The following ZNF451 variants were observed in gnomAD, a reference collection of about 807,000 sequenced individuals.
ZNF451 encodes E3 SUMO-protein ligase ZNF451.
ZNF451 carries 80 observed loss-of-function variants against 107.1 expected under a neutral mutation model. The observed-to-expected ratio is 0.75, with a 90% CI of 0.62 to 0.90. ZNF451 has a LOEUF of 0.90. Ranked by LOEUF, ZNF451 falls within the 40% of genes least tolerant of loss-of-function variation. The probability of loss-of-function intolerance (pLI) is 0.00; values close to 1 mark genes in which losing one functional copy is unlikely to be tolerated. For missense variants in ZNF451, 1,107 were observed against 1,236.2 expected, an observed-to-expected ratio of 0.90 and a Z score of 1.57; for synonymous variants, 362 against 406.5, an observed-to-expected ratio of 0.89 and a Z score of 1.32.
intron 3 of ZNF451, among the ~76,000 whole-genome samples, chr6:57,112,448 C>T (rs1224559885): frequency 6.6e-6 from 1 of 152,186 alleles, no homozygotes; most frequent in Non-Finnish European, 1.5e-5. Context: ...GAAATAGTCT[C>T]CAGTTGGTAC....
At chr6:57,161,223 TCA>T (rs1451599747) in intron 14 of ZNF451, 71 bp downstream of exon 14, 2 of 804,962 alleles carry the variant, frequency 2.5e-6, no homozygotes, top group East Asian at 5.7e-5. Context: ...TCTCTGTCTC[TCA>T]CCCATTCACC....
chr6:57,160,571 G>T (rs1763629926), intron 13 of ZNF451, among the ~76,000 whole-genome samples: 2 of 152,068 alleles, frequency 1.3e-5, no homozygotes, highest in Admixed American at 1.3e-4. Flanking sequence ...CTGAGCTCAG[G>T]TGATCCACCC....
chr6:57,144,332 C>T (rs774290652), intron 9 of ZNF451, among the ~76,000 whole-genome samples: 1 of 150,798 alleles, frequency 6.6e-6, no homozygotes, highest in Non-Finnish European at 1.5e-5. Flanking sequence ...CCTCCACCTC[C>T]CAAGTTCAAG....
chr6:57,166,154 A>G (rs1763887908), intron 14 of ZNF451, among the ~76,000 whole-genome samples: 2 of 152,036 alleles, frequency 1.3e-5, no homozygotes, highest in African/African-American at 2.4e-5. Flanking sequence ...CAGCCTCCCA[A>G]GTAGCTGGGA....
intron 2 of ZNF451, among the ~76,000 whole-genome samples, chr6:57,096,844 C>T (rs1342018274): frequency 1.5e-5 from 2 of 132,452 alleles, no homozygotes; most frequent in Admixed American, 1.7e-4. Flanking sequence ...GGCACCATCT[C>T]AGCTCACTGC....
In ZNF451 at chr6:57,147,117, A is replaced by G. The variant is rs558730696; in HGVS notation, c.1032A>G (p.Val344=). 1.2e-6 allele frequency: 2 copies of G among 1,612,690 alleles called. No individual in the cohort carries two copies. Among genetic ancestry groups the G allele is most frequent in the African/African-American group, 2.7e-5 (2 of 75,026 alleles). Residue 344 remains valine (V), a synonymous_variant, in exon 10 of 15, where the codon GTA becomes GTG. Transcript: ENST00000370706. ...TTCATTGTCGAAATGCTGGACCTGT[A>G]GCTGTAGCTGAGAAGAGCATTACCC... is the stretch of plus-strand genomic sequence containing the variant. The part of the protein sequence containing the change: ...FRVHCRNAGP[V]AVAEKSITQV...
intron 3 of ZNF451, among the ~76,000 whole-genome samples, chr6:57,114,358 C>A (rs1354524815): frequency 6.6e-6 from 1 of 152,116 alleles, no homozygotes; most frequent in Non-Finnish European, 1.5e-5. Context: ...AATACAAAAT[C>A]AGACATGCTT....
chr6:57,096,074 T>G (rs865869718), intron 2 of ZNF451, among the ~76,000 whole-genome samples: 2 of 152,066 alleles, frequency 1.3e-5, no homozygotes, highest in South Asian at 4.1e-4. Flanking sequence ...TCCACCTGCC[T>G]TGGCCTCCCA....
intron 10 of ZNF451, among the ~76,000 whole-genome samples, chr6:57,150,111 G>A (rs898718762): frequency 1.3e-5 from 2 of 152,110 alleles, no homozygotes; most frequent in Admixed American, 1.3e-4. Flanking sequence ...GGGCATGGGG[G>A]AAGGTGAAAG....
At chr6:57,108,710 A>G (rs1263616101) in intron 3 of ZNF451, 14 of 985,284 alleles carry the variant, frequency 1.4e-5, no homozygotes, top group Non-Finnish European at 1.7e-5. Context: ...GAAGCATGTT[A>G]ATATCCGTGT....
At chr6:57,155,669 T>C (rs1015040133) in intron 13 of ZNF451, among the ~76,000 whole-genome samples, 6 of 152,194 alleles carry the variant, frequency 3.9e-5, no homozygotes, top group Admixed American at 1.3e-4. Context: ...AAACCTGTTA[T>C]GGTTTTGCAG....
intron 3 of ZNF451, among the ~76,000 whole-genome samples, chr6:57,113,576 AATAT>A (rs1830212478): frequency 6.6e-6 from 1 of 151,982 alleles, no homozygotes; most frequent in Non-Finnish European, 1.5e-5. Context: ...GCCTGAATTT[AATAT>A]TTGTAAAAAA....
intron 3 of ZNF451, among the ~76,000 whole-genome samples, chr6:57,121,468 C>T (rs1337912234): frequency 6.6e-6 from 1 of 152,122 alleles, no homozygotes; most frequent in Non-Finnish European, 1.5e-5. Flanking sequence ...GTTAGGAGAA[C>T]TGACATCTTG....
intron 2 of ZNF451, among the ~76,000 whole-genome samples, chr6:57,096,802 GT>G (rs1829346959): frequency 9.7e-6 from 1 of 102,936 alleles, no homozygotes; most frequent in Non-Finnish European, 1.8e-5. Flanking sequence ...TTGTGACAGA[GT>G]CTTGCTCTGT....
At chr6:57,099,247 T>C (rs1199071897) in intron 3 of ZNF451, 106 bp downstream of exon 3, 31 of 898,554 alleles carry the variant, frequency 3.4e-5, no homozygotes, top group Non-Finnish European at 5.3e-5. Flanking sequence ...AAATAGCCAG[T>C]TCTATTAGAA....
chr6:57,159,110 T>C, intron 13 of ZNF451: 1 of 985,376 alleles, frequency 1.0e-6, no homozygotes, highest in Non-Finnish European at 1.2e-6. Flanking sequence ...ATTATAAAAA[T>C]ATGTTGATAA....
At chr6:57,144,464 C>A (rs1259353257) in intron 9 of ZNF451, among the ~76,000 whole-genome samples, 1 of 151,758 alleles carries the variant, frequency 6.6e-6, no homozygotes, top group African/African-American at 2.4e-5. Flanking sequence ...TGGTCTTGAA[C>A]TCCTGACCTC....
intron 3 of ZNF451, chr6:57,107,134 T>A (rs1248348963): frequency 6.1e-6 from 6 of 985,338 alleles, no homozygotes; most frequent in Non-Finnish European, 7.2e-6. Context: ...GTGGGATATA[T>A]CTGGAAGTGG....
intron 2 of ZNF451, among the ~76,000 whole-genome samples, chr6:57,092,127 A>G (rs1005401213): frequency 1.1e-4 from 16 of 152,114 alleles, no homozygotes; most frequent in Non-Finnish European, 1.5e-5. Flanking sequence ...GAATCTTGGT[A>G]TATTTGTGAA....
Sources: allele counts gnomAD v4.1 joint callset (sites outside exome capture counted in the v4.1 genomes callset), GRCh38; gene constraint gnomAD v4.1.1; transcripts MANE v1.5; gene names NCBI Gene and HGNC (gene_info 2026-07-23, HGNC 2026-07-21).